Variants in KCNIP4 observed in about 807,000 individuals in gnomAD.
The protein encoded by KCNIP4 is Kv channel-interacting protein 4.
Under a neutral mutation model 34.0 loss-of-function variants are expected in KCNIP4, and 12 were observed. That is an observed-to-expected ratio of 0.35 (90% confidence interval 0.23 to 0.57). The LOEUF (loss-of-function observed/expected upper bound fraction) is 0.57. Among genes scored for constraint, KCNIP4 ranks in the 20% least tolerant of loss-of-function variants. The pLI is 0.83. For synonymous variants in KCNIP4, 124 were observed against 102.2 expected, an observed-to-expected ratio of 1.21 and a Z score of -1.29; for missense variants, 238 against 311.7, an observed-to-expected ratio of 0.76 and a Z score of 1.78.
chr4:20,884,464 C>G (rs924211768), intron 1 of KCNIP4, among the ~76,000 whole-genome samples: 1 of 146,892 alleles, frequency 6.8e-6, no homozygotes, highest in Non-Finnish European at 1.5e-5. Context: ...CAAAATAAAT[C>G]TGGTTTACAT....
intron 1 of KCNIP4, among the ~76,000 whole-genome samples, chr4:21,405,888 C>A (rs536948251): frequency 6.6e-6 from 1 of 152,158 alleles, no homozygotes; most frequent in Admixed American, 6.5e-5. Flanking sequence ...CATGCTAGAG[C>A]GCAATGGCGC....
chr4:21,182,132 T>G (rs1754886220), intron 1 of KCNIP4, among the ~76,000 whole-genome samples: 1 of 152,192 alleles, frequency 6.6e-6, no homozygotes, highest in Non-Finnish European at 1.5e-5. Context: ...GAAGGAAGAC[T>G]GTTGGCCTTG....
rs150802531 is a variant in KCNIP4, at chr4:21,177,781, G to A, written c.62-295072C>T. On this transcript the variant is annotated intron_variant, in intron 1 of 8. Transcript: ENST00000382152. ...GAGAATGGCTTGAACCTGGGAGGTA[G>A]AGGTTGCAGTGAGCTGAGATCATGC... is the stretch of plus-strand genomic sequence containing the variant. Among the ~76,000 whole-genome samples the A allele has an allele frequency of 7.5e-3, 1,134 of 151,474 alleles. 14 individuals carry two copies. Among genetic ancestry groups the A allele is most frequent in the African/African-American group, 0.026 (1,054 of 41,270 alleles).
At chr4:21,382,497 T>C (rs746451443) in intron 1 of KCNIP4, among the ~76,000 whole-genome samples, 38 of 152,116 alleles carry the variant, frequency 2.5e-4, no homozygotes, top group Non-Finnish European at 3.7e-4. Context: ...GTAGAGTTAA[T>C]AGGTGCACTC....
At chr4:21,643,608 G>C (rs537593391) in intron 1 of KCNIP4, among the ~76,000 whole-genome samples, 1 of 152,174 alleles carries the variant, frequency 6.6e-6, no homozygotes, top group African/African-American at 2.4e-5. Flanking sequence ...TAAATCAATG[G>C]ATTTTGAGGA....
intron 1 of KCNIP4, among the ~76,000 whole-genome samples, chr4:21,528,862 AG>A (rs1191232954): frequency 5.3e-5 from 8 of 149,878 alleles, no homozygotes; most frequent in South Asian, 4.3e-4. Flanking sequence ...GAAGGAAGGA[AG>A]GAAGGAAGGG....
chr4:20,923,915 G>A (rs1285867127), intron 1 of KCNIP4, among the ~76,000 whole-genome samples: 2 of 151,982 alleles, frequency 1.3e-5, no homozygotes, highest in Non-Finnish European at 2.9e-5. Context: ...TTCAGTATAT[G>A]TGTGGTGGCT....
chr4:20,782,573 C>T (rs917707963), intron 3 of KCNIP4, among the ~76,000 whole-genome samples: 1 of 152,166 alleles, frequency 6.6e-6, no homozygotes, highest in Non-Finnish European at 1.5e-5. Context: ...AGCCTTGGCC[C>T]AAGCTCTACA....
chr4:21,754,886 A>G (rs1717398988), intron 1 of KCNIP4, among the ~76,000 whole-genome samples: 1 of 152,134 alleles, frequency 6.6e-6, no homozygotes, highest in Non-Finnish European at 1.5e-5. Flanking sequence ...AGTGGCTCAT[A>G]TCTGTAATCC....
At chr4:21,793,814 G>T (rs1451981432) in intron 1 of KCNIP4, among the ~76,000 whole-genome samples, 2 of 152,036 alleles carry the variant, frequency 1.3e-5, no homozygotes, top group African/African-American at 2.4e-5. Flanking sequence ...AAATCATACT[G>T]CCATAAAGAC....
chr4:21,338,090 A>G (rs1286108235), intron 1 of KCNIP4, among the ~76,000 whole-genome samples: 2 of 151,856 alleles, frequency 1.3e-5, no homozygotes, highest in Admixed American at 1.3e-4. Context: ...TTGCTTCTGG[A>G]TTTGAAAAAG....
intron 1 of KCNIP4, among the ~76,000 whole-genome samples, chr4:21,703,434 A>C (rs771552050): frequency 5.4e-4 from 83 of 152,300 alleles, no homozygotes; most frequent in Non-Finnish European, 1.0e-3. Context: ...GAAGCTGGAA[A>C]CCATCATTCT....
At chr4:21,155,031 G>A (rs1466409787) in intron 1 of KCNIP4, among the ~76,000 whole-genome samples, 1 of 152,050 alleles carries the variant, frequency 6.6e-6, no homozygotes, top group Non-Finnish European at 1.5e-5. Flanking sequence ...CCTTTAAAAA[G>A]AAAAATAAAA....
intron 1 of KCNIP4, among the ~76,000 whole-genome samples, chr4:21,662,284 C>T (rs531062122): frequency 6.6e-6 from 1 of 152,158 alleles, no homozygotes; most frequent in African/African-American, 2.4e-5. Flanking sequence ...AAAAGTACAT[C>T]TTCTCTTCAT....
intron 1 of KCNIP4, among the ~76,000 whole-genome samples, chr4:21,724,144 T>G (rs1715022057): frequency 6.6e-6 from 1 of 152,088 alleles, no homozygotes; most frequent in Admixed American, 6.6e-5. Flanking sequence ...TACATCTCTA[T>G]CTCTTTTATC....
intron 3 of KCNIP4, among the ~76,000 whole-genome samples, chr4:20,821,697 A>G (rs1007256157): frequency 1.3e-5 from 2 of 151,954 alleles, no homozygotes; most frequent in Non-Finnish European, 1.5e-5. Context: ...GCCTCCTCAT[A>G]GCTTAGCTCC....
At chr4:21,926,408 A>G (rs562031638) in intron 1 of KCNIP4, among the ~76,000 whole-genome samples, 31 of 152,296 alleles carry the variant, frequency 2.0e-4, no homozygotes, top group African/African-American at 7.2e-4. Context: ...CAGAAAAACT[A>G]TAACTTTGCT....
intron 1 of KCNIP4, among the ~76,000 whole-genome samples, chr4:21,919,320 A>G (rs770629247): frequency 1.1e-4 from 17 of 152,320 alleles, no homozygotes; most frequent in African/African-American, 3.1e-4. Context: ...TCCAGTTACT[A>G]TTGAGATGAC....
chr4:21,100,977 T>C (rs1747884165), intron 1 of KCNIP4, among the ~76,000 whole-genome samples: 1 of 152,188 alleles, frequency 6.6e-6, no homozygotes, highest in South Asian at 2.1e-4. Flanking sequence ...CTTCTTAAAA[T>C]TTTATCTATT....
Sources: allele counts gnomAD v4.1 joint callset (sites outside exome capture counted in the v4.1 genomes callset), GRCh38; gene constraint gnomAD v4.1.1; transcripts MANE v1.5; gene names NCBI Gene and HGNC (gene_info 2026-07-23, HGNC 2026-07-21).